Variants in WSCD2 observed in about 807,000 individuals in gnomAD.
The protein encoded by WSCD2 is WSC domain sialate O sulfotransferase 2.
WSCD2 carries 28 observed loss-of-function variants against 55.7 expected under a neutral mutation model. The ratio of observed to expected loss-of-function variants is 0.50; its 90% CI spans 0.37 to 0.69. The LOEUF (loss-of-function observed/expected upper bound fraction) is 0.69. Ranked by LOEUF, WSCD2 falls within the 30% of genes least tolerant of loss-of-function variation. The probability of loss-of-function intolerance (pLI) is 0.00; values close to 1 mark genes in which losing one functional copy is unlikely to be tolerated. For synonymous variants in WSCD2, 301 were observed against 301.9 expected, an observed-to-expected ratio of 1.00 and a Z score of 0.03; for missense variants, 616 against 762.1, an observed-to-expected ratio of 0.81 and a Z score of 2.26.
At chr12:108,171,434 C>G (rs1036436380) in intron 1 of WSCD2, among the ~76,000 whole-genome samples, 1 of 152,152 alleles carries the variant, frequency 6.6e-6, no homozygotes, top group Non-Finnish European at 1.5e-5. Flanking sequence ...TATGGCGAGA[C>G]TGCAGTAAGG....
intron 1 of WSCD2, among the ~76,000 whole-genome samples, chr12:108,143,052 G>C (rs886611488): frequency 1.3e-5 from 2 of 152,170 alleles, no homozygotes; most frequent in African/African-American, 4.8e-5. Flanking sequence ...CGCCTCAAGC[G>C]ATCCTCCCAC....
rs1482997240 is a variant in WSCD2, at chr12:108,129,428, A to T, written c.-1050A>T. The T allele has an allele frequency of 6.7e-6, 1 of 149,516 alleles. No individual in the cohort carries two copies. The highest frequency in any genetic ancestry group is 2.4e-5 in the African/African-American group (1 of 40,870). The allele number at this position is 149,516 out of a possible 1,614,324, so 9.3% of individuals were successfully genotyped here. On this transcript the variant is annotated 5_prime_UTR_variant, in exon 1 of 9. Coordinates refer to ENST00000547525, the MANE Select transcript of WSCD2 (RefSeq NM_014653.4). ...GCCAGGCGGCCGGAGCTCCGCGCCGAGCCGCAGCCGGTGCCCTGCGCGCAC... is the reference window on the plus strand; with the variant it reads ...GCCAGGCGGCCGGAGCTCCGCGCCGTGCCGCAGCCGGTGCCCTGCGCGCAC...
intron 6 of WSCD2, 33 bp downstream of exon 6, chr12:108,227,197 T>G (rs1172468500): frequency 1.9e-6 from 3 of 1,594,874 alleles, no homozygotes; most frequent in East Asian, 2.2e-5. Context: ...GGACCCCAGA[T>G]GCACTCCCAG....
At chr12:108,148,266 G>A (rs1047466383) in intron 1 of WSCD2, among the ~76,000 whole-genome samples, 1 of 152,348 alleles carries the variant, frequency 6.6e-6, no homozygotes, top group African/African-American at 2.4e-5. Context: ...ACCCCCTGAG[G>A]TGGGGAAGGG....
rs761978776 is a variant in WSCD2, at chr12:108,210,635, G to C, written c.682+330G>C. ...CATCCTGATTTTCTCAGAGCAGACTGTCTCTAATGATGATGATGGTGGTAA... is the reference window on the plus strand; with the variant it reads ...CATCCTGATTTTCTCAGAGCAGACTCTCTCTAATGATGATGATGGTGGTAA... On this transcript the variant is annotated intron_variant, in intron 4 of 8. Coordinates refer to ENST00000547525, the MANE Select transcript of WSCD2 (RefSeq NM_014653.4). This position sits in a 1 kb window ranked among gnomAD's most constrained non-coding sequence, Gnocchi z 4.3. Among the ~76,000 whole-genome samples the C allele has an allele frequency of 1.3e-5, 2 of 152,290 alleles. No homozygotes were observed. The highest frequency in any genetic ancestry group is 2.9e-5 in the Non-Finnish European group (2 of 68,024).
intron 1 of WSCD2, among the ~76,000 whole-genome samples, chr12:108,160,146 C>G (rs1462894856): frequency 6.6e-6 from 1 of 152,036 alleles, no homozygotes; most frequent in African/African-American, 2.4e-5. Context: ...CTTTCAAGAC[C>G]CAACGTGAAA....
At chr12:108,186,911 G>A (rs186528083) in intron 1 of WSCD2, among the ~76,000 whole-genome samples, 1 of 152,238 alleles carries the variant, frequency 6.6e-6, no homozygotes, top group African/African-American at 2.4e-5. Flanking sequence ...CGAGATCAAG[G>A]ACTCAAGTCT....
chr12:108,202,806 C>T (rs879208814), intron 2 of WSCD2, among the ~76,000 whole-genome samples: 6 of 152,118 alleles, frequency 3.9e-5, no homozygotes, highest in African/African-American at 1.2e-4. Flanking sequence ...CCTCGTGACA[C>T]GAGTTTACCT....
At chr12:108,179,358 C>A (rs1881359183) in intron 1 of WSCD2, among the ~76,000 whole-genome samples, 1 of 152,156 alleles carries the variant, frequency 6.6e-6, no homozygotes, top group Non-Finnish European at 1.5e-5. Context: ...TCTATGCAGC[C>A]CCTGAGCATC....
intron 6 of WSCD2, among the ~76,000 whole-genome samples, chr12:108,228,580 A>G (rs1283157682): frequency 6.6e-6 from 1 of 152,250 alleles, no homozygotes; most frequent in Non-Finnish European, 1.5e-5. Flanking sequence ...TATGTGGTAG[A>G]GCAGGTTGAG....
intron 1 of WSCD2, among the ~76,000 whole-genome samples, chr12:108,178,164 G>C (rs931246354): frequency 6.6e-6 from 1 of 152,074 alleles, no homozygotes; most frequent in African/African-American, 2.4e-5. Context: ...TTCCTCCGAG[G>C]TGTGTGTGGG....
chr12:108,131,313 G>A (rs1328727543), intron 1 of WSCD2, among the ~76,000 whole-genome samples: 2 of 152,176 alleles, frequency 1.3e-5, no homozygotes, highest in African/African-American at 4.8e-5. Flanking sequence ...TATCCTCAGA[G>A]GTCCCAGTTC....
At chr12:108,215,914 T>C (rs907479995) in intron 4 of WSCD2, among the ~76,000 whole-genome samples, 7 of 152,226 alleles carry the variant, frequency 4.6e-5, no homozygotes, top group Non-Finnish European at 1.0e-4. Flanking sequence ...CTCTGCTTGC[T>C]TCTTGCTAGT....
chr12:108,248,785 T>A lies in WSCD2; in HGVS notation c.*442T>A. On this transcript the variant is annotated 3_prime_UTR_variant, in exon 9 of 9. Coordinates refer to ENST00000547525, the MANE Select transcript of WSCD2 (RefSeq NM_014653.4). This position sits in a 1 kb window ranked among gnomAD's most constrained non-coding sequence, Gnocchi z 4.3. The stretch of plus-strand genomic sequence containing the variant: ...GATGCTTGTCCCTTCTGGGCTGAGA[T>A]TTCGCAGCCCCCTTCTCATCTCCAC... 1 of 992,266 alleles carries A rather than the reference T, an allele frequency of 1.0e-6. No homozygotes were observed. Among genetic ancestry groups the A allele is most frequent in the South Asian group, 4.6e-5 (1 of 21,736 alleles). The allele number at this position is 992,266 out of a possible 1,614,324, so 61.5% of individuals were successfully genotyped here.
chr12:108,224,676 GT>G, intron 4 of WSCD2, 62 bp from the exon 5 acceptor site: 1 of 1,561,554 alleles, frequency 6.4e-7, no homozygotes. Context: ...TCAGAATGTG[GT>G]TTTCCCAACC....
At chr12:108,151,142 G>A (rs544089519) in intron 1 of WSCD2, among the ~76,000 whole-genome samples, 2 of 152,184 alleles carry the variant, frequency 1.3e-5, no homozygotes, top group African/African-American at 4.8e-5. Context: ...TCATCTACTG[G>A]TCAAACTGCT....
chr12:108,155,147 A>C (rs4964640), intron 1 of WSCD2, among the ~76,000 whole-genome samples: 119,062 of 151,614 alleles, frequency 0.79, 47,206 homozygotes, highest in East Asian at 0.91. Context: ...GACAATTCCT[A>C]AGGTTAACTC....
chr12:108,137,309 A>G (rs1272324389), intron 1 of WSCD2, among the ~76,000 whole-genome samples: 1 of 152,206 alleles, frequency 6.6e-6, no homozygotes, highest in East Asian at 1.9e-4. Context: ...GTAAAACACA[A>G]TAAGAAAGTA....
chr12:108,180,050 C>CAAAAAAAAAAAAAAAAGAGAAAAAAAA (rs1881481495), intron 1 of WSCD2, among the ~76,000 whole-genome samples: 1 of 116,674 alleles, frequency 8.6e-6, no homozygotes. Context: ...CTCAAAAAAA[C>CAAAAAAAAAAAAAAAAGAGAAAAAAAA]AAAAAAAAAA....
Sources: gnomAD v4.1 joint callset for allele counts (sites outside exome capture counted in the v4.1 genomes callset) on GRCh38, gnomAD v4.1.1 for gene constraint, Gnocchi (gnomAD v3.1) non-coding constraint, MANE v1.5 for transcripts, NCBI Gene and HGNC (gene_info 2026-07-23, HGNC 2026-07-21) for gene names.